LHX9: variants seen among roughly 807,000 people sequenced by gnomAD.
LHX9 encodes the protein LIM homeobox 9.
LHX9 carries 9 observed loss-of-function variants against 36.5 expected under a neutral mutation model. The observed-to-expected ratio is 0.25, with a 90% CI of 0.15 to 0.43. LHX9 has a LOEUF of 0.43. Ranked by LOEUF, LHX9 falls within the 20% of genes least tolerant of loss-of-function variation. The pLI, the probability that LHX9 is intolerant of heterozygous loss-of-function variation, is 1.00. For missense variants in LHX9, 464 were observed against 526.4 expected, an observed-to-expected ratio of 0.88 and a Z score of 1.16; for synonymous variants, 211 against 212.1, an observed-to-expected ratio of 0.99 and a Z score of 0.04.
upstream of LHX9, chr1:197,916,524 C>T (rs1009401523): frequency 1.6e-6 from 1 of 609,786 alleles, no homozygotes; most frequent in African/African-American, 1.8e-5. Flanking sequence ...ACATTAGAAT[C>T]TCCGGCAACC....
Position 197,929,080 on chromosome 1 carries a change from G to A in LHX9, c.1015G>A (p.Gly339Ser). 1 of 1,613,566 alleles carries A rather than the reference G, an allele frequency of 6.2e-7. No homozygotes were observed. The change falls in exon 5 of 5, where the codon GGC becomes AGC. Residue 339 changes from glycine (G) to serine (S), a missense_variant. Gly to Ser is a moderately conservative substitution (Grantham distance 56). This residue lies in a region of LHX9 where 102 missense variants were observed against 97.0 expected (regional missense o/e 1.05). Coordinates refer to ENST00000367387, the MANE Select transcript of LHX9 (RefSeq NM_020204.3). ...GAATGGGGGTGTTGATAAAGCTGAC[G>A]GCACGTCGCTTCCGGCCCCGCCCTC... ...QENGGVDKAD[G>S]TSLPAPPSAD...
chr1:197,921,582 C>T lies in LHX9; in HGVS notation c.656C>T (p.Thr219Met), dbSNP rs374017815. 2 of 1,611,618 alleles carry T rather than the reference C, an allele frequency of 1.2e-6. No individual in the cohort carries two copies. Among genetic ancestry groups the T allele is most frequent in the African/African-American group, 1.3e-5 (1 of 75,032 alleles). ...GGLALPYFNG[T>M]GTVQKGRPRK... ...CTGGCCCTGCCTTACTTCAACGGTACGGGCACCGTGCAGAAAGGGCGGCCC... is the reference window on the plus strand; with the variant it reads ...CTGGCCCTGCCTTACTTCAACGGTATGGGCACCGTGCAGAAAGGGCGGCCC... Residue 219 changes from threonine (T) to methionine (M), a missense_variant, in exon 3 of 5, where the codon ACG (threonine) becomes ATG (methionine). Thr to Met is a moderately conservative substitution (Grantham distance 81). Transcript: ENST00000367387. The surrounding 1 kb of genome is among the most constrained non-coding windows in gnomAD (Gnocchi z 4.6).
intron 3 of LHX9, among the ~76,000 whole-genome samples, chr1:197,923,526 C>A (rs199765474): frequency 2.3e-5 from 3 of 132,936 alleles, no homozygotes; most frequent in African/African-American, 8.7e-5. Flanking sequence ...AGAGAGAAAG[C>A]AAGCCACTCA....
At chr1:197,915,149 C>T (rs1000926108), upstream of LHX9, among the ~76,000 whole-genome samples, 1 of 152,182 alleles carries the variant, frequency 6.6e-6, no homozygotes, top group African/African-American at 2.4e-5. Flanking sequence ...CAACAAGAAC[C>T]AAACCTAATT....
chr1:197,916,930 G>A (rs138619015), upstream of LHX9, among the ~76,000 whole-genome samples: 80 of 152,288 alleles, frequency 5.3e-4, no homozygotes, highest in East Asian at 4.6e-3. Context: ...TCCACAAGGA[G>A]GAAATCCAAA....
upstream of LHX9, among the ~76,000 whole-genome samples, chr1:197,913,771 G>A (rs1178618323): frequency 6.6e-6 from 1 of 152,184 alleles, no homozygotes; most frequent in Non-Finnish European, 1.5e-5. Context: ...GCTTAACAGG[G>A]TCTGGAGGAA....
intron 1 of LHX9, chr1:197,918,310 G>A (rs915847801): frequency 1.4e-6 from 1 of 717,464 alleles, no homozygotes; most frequent in East Asian, 2.7e-5. Context: ...CTTGATTCCG[G>A]GGCAGGCGTC....
In LHX9 at chr1:197,933,082, T is replaced by A. The variant is rs1660367416; in HGVS notation, c.*3823T>A. ...ATTTAGGAATGAGGTTTTTTTTAAT[T>A]GTTAAAGGGAATATTTGAAGAATAA... On this transcript the variant is annotated 3_prime_UTR_variant, in exon 5 of 5. Transcript: ENST00000367387. The A allele has an allele frequency of 6.6e-6, 1 of 151,998 alleles. No homozygotes were observed. Among genetic ancestry groups the A allele is most frequent in the South Asian group, 2.1e-4 (1 of 4,826 alleles). The allele number at this position is 151,998 out of a possible 1,614,324, so 9.4% of individuals were successfully genotyped here. A position where few individuals can be genotyped will look rare whatever the true frequency, so the allele number is the denominator to read the frequency against.
At chr1:197,916,297 C>T (rs1468694503), upstream of LHX9, 1 of 216,580 alleles carries the variant, frequency 4.6e-6, no homozygotes, top group Non-Finnish European at 9.2e-6. Context: ...GCAGGTCTGC[C>T]ATTCTGCTTG....
chr1:197,933,000 T>C lies in LHX9; in HGVS notation c.*3741T>C, dbSNP rs1660365883. On this transcript the variant is annotated 3_prime_UTR_variant, in exon 5 of 5. Coordinates refer to ENST00000367387, the MANE Select transcript of LHX9 (RefSeq NM_020204.3). ...ACTATAAAAAGATCCAATCTTTGCA[T>C]AGTTCAATTACATATGATTATTACA... 6.6e-6 allele frequency: 1 copy of C among 151,986 alleles called. No homozygotes were observed. The highest frequency in any genetic ancestry group is 6.6e-5 in the Admixed American group (1 of 15,262). 9.4% of individuals were successfully genotyped at this position (151,986 alleles called of 1,614,324 possible).
intron 1 of LHX9, 92 bp from the exon 2 acceptor site, chr1:197,919,880 A>G (rs928011342): frequency 2.2e-6 from 3 of 1,335,066 alleles, no homozygotes; most frequent in African/African-American, 2.9e-5. Context: ...CTCTCCCTGC[A>G]CACCCTGGGC....
Position 197,929,845 on chromosome 1 carries a change from TA to T in LHX9, c.*589del. On this transcript the variant is annotated 3_prime_UTR_variant, in exon 5 of 5. Coordinates refer to ENST00000367387, the MANE Select transcript of LHX9 (RefSeq NM_020204.3). ...ATAAAAGCATTAACTACAGACATTT[TA>T]AATAGTAATGATTAATTAGGTGAGA... 1 of 949,706 alleles carries T rather than the reference TA, an allele frequency of 1.1e-6. No individual in the cohort carries two copies. The highest frequency in any genetic ancestry group is 1.8e-5 in the African/African-American group (1 of 56,510). 58.8% of individuals were successfully genotyped at this position (949,706 alleles called of 1,614,324 possible). A position where few individuals can be genotyped will look rare whatever the true frequency, so the allele number is the denominator to read the frequency against.
In LHX9 at chr1:197,921,691, C is replaced by T. The variant is rs1659997087; in HGVS notation, c.733+32C>T. ...CTCCTATCCTCACCCCCGGCGCAGC[C>T]CCGGCCTCCCTGAGGAAAATTCGTA... On this transcript the variant is annotated intron_variant, in intron 3 of 4. Transcript: ENST00000367387. The surrounding 1 kb of genome is among the most constrained non-coding windows in gnomAD (Gnocchi z 4.6). The T allele has an allele frequency of 1.3e-6, 2 of 1,502,234 alleles. No individual in the cohort carries two copies. The highest frequency in any genetic ancestry group is 8.9e-7 in the Non-Finnish European group (1 of 1,125,214). 93.1% of individuals were successfully genotyped at this position (1,502,234 alleles called of 1,614,324 possible).
intron 4 of LHX9, 86 bp from the exon 5 acceptor site, chr1:197,928,916 A>G: frequency 7.3e-7 from 1 of 1,377,720 alleles, no homozygotes; most frequent in Non-Finnish European, 9.5e-7. Flanking sequence ...GAAAGAAAGA[A>G]AAAGAAAAAA....
chr1:197,912,813 C>A, upstream of LHX9: 1 of 541,208 alleles, frequency 1.8e-6, no homozygotes, highest in Non-Finnish European at 3.3e-6. Context: ...GATCAGTGTC[C>A]GGGGCGCCAG....
Position 197,917,653 on chromosome 1 carries a change from TG to T in LHX9, c.-170del. ...CCCCCCAACTCTTCCCAGTTCTTTT[TG>T]CTTCCCCTCGGCCCCCCAAGCAGAC... On this transcript the variant is annotated 5_prime_UTR_variant, in exon 1 of 5. Coordinates refer to ENST00000367387, the MANE Select transcript of LHX9 (RefSeq NM_020204.3). The T allele has an allele frequency of 1.3e-6, 2 of 1,519,296 alleles. No individual in the cohort carries two copies. Among genetic ancestry groups the T allele is most frequent in the Non-Finnish European group, 1.8e-6 (2 of 1,137,344 alleles). The allele number at this position is 1,519,296 out of a possible 1,614,324, so 94.1% of individuals were successfully genotyped here.
upstream of LHX9, chr1:197,916,695 C>A (rs182509449): frequency 4.3e-6 from 3 of 702,940 alleles, no homozygotes; most frequent in Non-Finnish European, 7.8e-6. Flanking sequence ...ACGCTCCAAA[C>A]GCCCTCTCCA....
At chr1:197,918,308 CG>C (rs1034700342) in intron 1 of LHX9, 3 of 717,298 alleles carry the variant, frequency 4.2e-6, no homozygotes, top group Non-Finnish European at 7.8e-6. Context: ...CCCTTGATTC[CG>C]GGGCAGGCGT....
At position 197,917,843 on chromosome 1, in the gene LHX9, G is replaced by A. The variant is rs760387680; in HGVS notation, c.20G>A (p.Arg7Gln). The A allele has an allele frequency of 6.2e-7, 1 of 1,614,184 alleles. No homozygotes were observed. Among genetic ancestry groups the A allele is most frequent in the Admixed American group, 1.7e-5 (1 of 60,026 alleles). MEIVGCRAEDNSCPFRP... is the reference protein window; with the variant it reads MEIVGCQAEDNSCPFRP... Reference sequence around the variant, plus strand: ...GTGTATATGGAAATAGTGGGGTGCCGAGCAGAAGACAACTCGTGTCCTTTC... The same window carrying A: ...GTGTATATGGAAATAGTGGGGTGCCAAGCAGAAGACAACTCGTGTCCTTTC... Residue 7 changes from arginine (R) to glutamine (Q), a missense_variant, in exon 1 of 5, where the codon CGA becomes CAA. Coordinates refer to ENST00000367387, the MANE Select transcript of LHX9 (RefSeq NM_020204.3).
Sources: allele counts gnomAD v4.1 joint callset (sites outside exome capture counted in the v4.1 genomes callset), GRCh38; gene constraint gnomAD v4.1.1; regional missense constraint gnomAD v4.1.1; non-coding constraint Gnocchi (gnomAD v3.1); transcripts MANE v1.5; gene names NCBI Gene and HGNC (gene_info 2026-07-23, HGNC 2026-07-21).